The following CLASP1 variants were observed in gnomAD, a reference collection of about 807,000 sequenced individuals.
CLASP1 encodes the protein cytoplasmic linker associated protein 1.
In CLASP1, 38 loss-of-function variants were observed where a neutral mutation model predicts 192.3. The observed-to-expected ratio is 0.20, with a 90% confidence interval of 0.15 to 0.26. The LOEUF (loss-of-function observed/expected upper bound fraction) is 0.26. CLASP1 is among the 10% of genes least tolerant of loss of function. CLASP1 has a pLI of 1.00. For missense variants in CLASP1, 1,433 were observed against 1,932.5 expected (o/e 0.74, Z 4.85); for synonymous variants, 691 against 712.8 (o/e 0.97, Z 0.49).
At chr2:121,523,786 G>T (rs115362975) in intron 6 of CLASP1, among the ~76,000 whole-genome samples, 461 of 152,310 alleles carry the variant, frequency 3.0e-3, no homozygotes, top group Middle Eastern at 6.8e-3. Context: ...TTGAGGCTCA[G>T]AAGCAAAATC....
chr2:121,591,850 T>C (rs929220422), intron 2 of CLASP1, among the ~76,000 whole-genome samples: 7 of 152,368 alleles, frequency 4.6e-5, no homozygotes, highest in Non-Finnish European at 8.8e-5. Context: ...TGTTCCATAA[T>C]GGACAGCCAT....
intron 25 of CLASP1, among the ~76,000 whole-genome samples, chr2:121,406,583 ATTTTTTTAT>A (rs1371711794): frequency 4.6e-5 from 7 of 152,082 alleles, no homozygotes; most frequent in Non-Finnish European, 8.8e-5. Context: ...TGGGGTCTTT[ATTTTTTTAT>A]TTTTTTTATT....
intron 2 of CLASP1, among the ~76,000 whole-genome samples, chr2:121,539,278 G>A (rs897368797): frequency 6.6e-6 from 1 of 152,108 alleles, no homozygotes; most frequent in Non-Finnish European, 1.5e-5. Context: ...AATATCACAG[G>A]AATTAAGACA....
At chr2:121,365,369 C>T in intron 35 of CLASP1, 85 bp from the exon 37 acceptor site, 1 of 1,255,982 alleles carries the variant, frequency 8.0e-7, no homozygotes, top group East Asian at 2.5e-5. Flanking sequence ...TGATCCTTCC[C>T]TTCCTGCCTC....
intron 2 of CLASP1, among the ~76,000 whole-genome samples, chr2:121,568,537 C>G (rs183326051): frequency 1.3e-5 from 2 of 150,906 alleles, no homozygotes; most frequent in Non-Finnish European, 2.9e-5. Context: ...GCAAGTAACA[C>G]GCTCACAACT....
At chr2:121,577,101 G>A (rs1264723527) in intron 2 of CLASP1, among the ~76,000 whole-genome samples, 2 of 152,040 alleles carry the variant, frequency 1.3e-5, no homozygotes, top group Non-Finnish European at 2.9e-5. Flanking sequence ...ATTCTCCAGG[G>A]GACTGGGGGG....
chr2:121,377,157 T>C (rs892136748), intron 34 of CLASP1, among the ~76,000 whole-genome samples: 2 of 152,174 alleles, frequency 1.3e-5, no homozygotes, highest in Admixed American at 1.3e-4. Flanking sequence ...TAAAGTACTG[T>C]AGGGTAAATA....
chr2:121,522,268 G>A (rs1051385613), intron 6 of CLASP1, among the ~76,000 whole-genome samples: 1 of 152,126 alleles, frequency 6.6e-6, no homozygotes, highest in African/African-American at 2.4e-5. Flanking sequence ...ACTGAAAGCT[G>A]CCCGTAGAGT....
At chr2:121,512,778 T>C (rs945643988) in intron 7 of CLASP1, among the ~76,000 whole-genome samples, 2 of 152,238 alleles carry the variant, frequency 1.3e-5, no homozygotes, top group African/African-American at 4.8e-5. Flanking sequence ...GTCATTTAGG[T>C]GATCTCACTA....
At chr2:121,378,740 A>G (rs1558950537) in intron 33 of CLASP1, among the ~76,000 whole-genome samples, 1 of 152,206 alleles carries the variant, frequency 6.6e-6, no homozygotes, top group Non-Finnish European at 1.5e-5. Flanking sequence ...CCTGAGCTAT[A>G]CTGAGGATTG....
intron 2 of CLASP1, among the ~76,000 whole-genome samples, chr2:121,599,731 C>T (rs1469568524): frequency 2.6e-5 from 4 of 151,116 alleles, no homozygotes; most frequent in Non-Finnish European, 5.9e-5. Context: ...GCCTGGCCAA[C>T]ATGGCGAAGC....
At chr2:121,599,138 C>T (rs898982445) in intron 2 of CLASP1, among the ~76,000 whole-genome samples, 1 of 151,882 alleles carries the variant, frequency 6.6e-6, no homozygotes, top group Non-Finnish European at 1.5e-5. Context: ...GCTGGGATTA[C>T]AGGCGTGATT....
At chr2:121,648,167 C>T (rs1002106581) in intron 1 of CLASP1, among the ~76,000 whole-genome samples, 6 of 152,214 alleles carry the variant, frequency 3.9e-5, no homozygotes, top group Non-Finnish European at 4.4e-5. Context: ...CAGGATCCCT[C>T]ATATCGAGAG....
chr2:121,556,164 T>C (rs963282036), intron 2 of CLASP1, among the ~76,000 whole-genome samples: 2 of 152,002 alleles, frequency 1.3e-5, no homozygotes, highest in African/African-American at 4.8e-5. Flanking sequence ...TCGTATTTTT[T>C]GTATAAAGAT....
rs545636183 is a variant in CLASP1 at position 121,530,948 on chromosome 2, T to C, written c.196-623A>G. The C allele has an allele frequency of 8.6e-6, 6 of 700,432 alleles. No individual in the cohort carries two copies. Among genetic ancestry groups the C allele is most frequent in the Non-Finnish European group, 1.3e-5 (5 of 384,820 alleles). The allele number at this position is 700,432 out of a possible 1,614,324, so 43.4% of individuals were successfully genotyped here. On this transcript the variant is annotated intron_variant, in intron 2 of 39. Transcript: ENST00000263710. Reference sequence around the variant, plus strand: ...TAGTGAGGGCAGTACTGCTAACGCCTGAACAACACACCCGCATCAACTAGA... The same window carrying C: ...TAGTGAGGGCAGTACTGCTAACGCCCGAACAACACACCCGCATCAACTAGA...
intron 8 of CLASP1, among the ~76,000 whole-genome samples, chr2:121,479,054 C>CACA (rs1559371265): frequency 1.0e-5 from 1 of 96,740 alleles, no homozygotes; most frequent in African/African-American, 4.3e-5. Flanking sequence ...CACACCCCCC[C>CACA]CCCACACACA....
chr2:121,473,304 T>C (rs539404228), intron 8 of CLASP1, among the ~76,000 whole-genome samples: 1 of 152,246 alleles, frequency 6.6e-6, no homozygotes, highest in East Asian at 1.9e-4. Flanking sequence ...GAAAACATAA[T>C]ATCTGAAATG....
chr2:121,596,504 G>A (rs1007169090), intron 2 of CLASP1, among the ~76,000 whole-genome samples: 1 of 152,174 alleles, frequency 6.6e-6, no homozygotes, highest in Non-Finnish European at 1.5e-5. Context: ...TTGGAGATAG[G>A]CAAAGGAAAT....
intron 22 of CLASP1, among the ~76,000 whole-genome samples, chr2:121,422,021 G>A (rs1164095427): frequency 2.6e-5 from 4 of 152,162 alleles, no homozygotes; most frequent in Non-Finnish European, 5.9e-5. Context: ...TACTTGTACT[G>A]TGAACTTCCT....
Sources: gnomAD v4.1 joint callset for allele counts (sites outside exome capture counted in the v4.1 genomes callset) on GRCh38, gnomAD v4.1.1 for gene constraint, MANE v1.5 for transcripts, NCBI Gene and HGNC (gene_info 2026-07-23, HGNC 2026-07-21) for gene names.